Variants in RP1 observed in about 807,000 individuals in gnomAD.
RP1 encodes the protein oxygen-regulated protein 1.
Under a neutral mutation model 14.8 loss-of-function variants are expected in RP1, and 16 were observed. The ratio of observed to expected loss-of-function variants is 1.08; its 90% confidence interval spans 0.73 to 1.65. RP1 has a LOEUF of 1.65. Ranked by LOEUF, RP1 falls within the 40% of genes most tolerant of loss-of-function variation. The pLI, the probability that RP1 is intolerant of heterozygous loss-of-function variation, is 0.00. For synonymous variants in RP1, 876 were observed against 883.6 expected, an observed-to-expected ratio of 0.99 and a Z score of 0.15; for missense variants, 2,631 against 2,535.0, an observed-to-expected ratio of 1.04 and a Z score of -0.81.
intron 1 of RP1, among the ~76,000 whole-genome samples, chr8:54,587,080 C>G (rs971903164): frequency 1.3e-5 from 2 of 152,192 alleles, no homozygotes; most frequent in Non-Finnish European, 2.9e-5. Flanking sequence ...CCATCTTCTG[C>G]GTTGCTCATG....
chr8:54,852,522 CAA>C, intron 25 of RP1: 1 of 1,160,310 alleles, frequency 8.6e-7, no homozygotes, highest in Non-Finnish European at 1.1e-6. Flanking sequence ...TAACTACATT[CAA>C]AGAGATAAAT....
intron 28 of RP1, chr8:54,869,761 T>A (rs1160895292): frequency 6.1e-6 from 3 of 490,434 alleles, no homozygotes; most frequent in Non-Finnish European, 9.6e-6. Context: ...ATTCTTTCCA[T>A]ATGTTTTTTT....
chr8:54,699,924 G>A (rs535182341), intron 13 of RP1, among the ~76,000 whole-genome samples: 9 of 152,174 alleles, frequency 5.9e-5, no homozygotes, highest in African/African-American at 1.4e-4. Context: ...TTGAAAAGTA[G>A]CATTTAATGT....
chr8:54,630,716 A>G lies in RP1; in HGVS notation c.*363A>G. On this transcript the variant is annotated 3_prime_UTR_variant, in exon 4 of 4. Coordinates refer to ENST00000220676, the MANE Select transcript of RP1 (RefSeq NM_006269.2). ...TTAGCTTGGTGTAAAATGTATATTG[A>G]CTGTATTGGTGAATAAATTGAATAG... 9.3e-7 allele frequency: 1 copy of G among 1,069,892 alleles called. No homozygotes were observed. Among genetic ancestry groups the G allele is most frequent in the Non-Finnish European group, 1.1e-6 (1 of 882,986 alleles). 66.3% of individuals were successfully genotyped at this position (1,069,892 alleles called of 1,614,324 possible). A position where few individuals can be genotyped will look rare whatever the true frequency, so the allele number is the denominator to read the frequency against.
At chr8:54,595,168 T>C (rs1426128045) in intron 1 of RP1, among the ~76,000 whole-genome samples, 5 of 151,708 alleles carry the variant, frequency 3.3e-5, no homozygotes, top group African/African-American at 4.8e-5. Context: ...CTTTCTCTGT[T>C]GCCCAGGGTG....
chr8:54,862,928 A>G (rs1237927852), intron 27 of RP1, among the ~76,000 whole-genome samples: 1 of 151,924 alleles, frequency 6.6e-6, no homozygotes, highest in African/African-American at 2.4e-5. Flanking sequence ...GTTATTTTTA[A>G]TGGCTGAAAT....
chr8:54,776,721 A>G (rs1281846119), intron 23 of RP1, among the ~76,000 whole-genome samples: 2 of 152,196 alleles, frequency 1.3e-5, no homozygotes, highest in African/African-American at 4.8e-5. Flanking sequence ...CAAGGTGGAA[A>G]TGCCAAGGCT....
intron 1 of RP1, among the ~76,000 whole-genome samples, chr8:54,598,796 G>A (rs905383287): frequency 2.0e-5 from 3 of 152,130 alleles, no homozygotes; most frequent in African/African-American, 7.2e-5. Flanking sequence ...AATATCCTTC[G>A]GAGCTTCTTG....
At chr8:54,635,688 C>T (rs556597072), downstream of RP1, among the ~76,000 whole-genome samples, 9 of 152,206 alleles carry the variant, frequency 5.9e-5, no homozygotes, top group South Asian at 2.1e-4. Context: ...AGTTGTTTGC[C>T]GTATGGCTTA....
chr8:54,607,546 G>A (rs1236201708), intron 1 of RP1, among the ~76,000 whole-genome samples: 4 of 152,140 alleles, frequency 2.6e-5, no homozygotes, highest in African/African-American at 9.7e-5. Context: ...TTGCATGCTG[G>A]GAGAACCACT....
At position 54,622,250 on chromosome 8, in the gene RP1, T is replaced by C. The variant is rs1354608902; in HGVS notation, c.749T>C (p.Val250Ala). Residue 250 changes from valine (V) to alanine (A), a missense_variant, in exon 3 of 4, where the codon GTG becomes GCG. By Grantham distance (64) the Val-to-Ala change is moderately conservative (BLOSUM62 0). Coordinates refer to ENST00000220676, the MANE Select transcript of RP1 (RefSeq NM_006269.2). Reference protein sequence around the residue: ...PARLPGISQRVYPKGNAKSES... With the variant: ...PARLPGISQRAYPKGNAKSES... ...AGATTACCAGGGATCTCTCAGCGTG[T>C]GTACCCCAAGGGAAATGCAAAGTCA... 6.2e-7 allele frequency: 1 copy of C among 1,614,140 alleles called. No individual in the cohort carries two copies. Among genetic ancestry groups the C allele is most frequent in the South Asian group, 1.1e-5 (1 of 91,084 alleles).
chr8:54,764,333 A>C (rs1809712729), intron 22 of RP1, among the ~76,000 whole-genome samples: 1 of 152,208 alleles, frequency 6.6e-6, no homozygotes, highest in Non-Finnish European at 1.5e-5. Context: ...CTGTGTTCTC[A>C]GCTGGTGCTG....
At chr8:54,706,642 G>A (rs901019289) in exon 15 of RP1, 17 of 1,535,896 alleles carry the variant, frequency 1.1e-5, no homozygotes, top group African/African-American at 2.7e-5. Flanking sequence ...AAGGATGGCC[G>A]ATGCGATGGA....
rs547234247 is a variant in RP1, at chr8:54,745,917, T to C, written c.2808+6888T>C. On this transcript the variant is annotated intron_variant, in intron 19 of 22. Transcript: ENST00000636932. ...AGCAAAAGTCAAGGCTTTGGGTCTT[T>C]TTAGTATTGATAGAAAAATACTAGA... 5.3e-5 allele frequency among the ~76,000 whole-genome samples: 8 copies of C among 152,320 alleles called. No individual in the cohort carries two copies. In the East Asian group the frequency reaches 1.5e-3, roughly 29 times the overall value.
chr8:54,668,748 C>T (rs1054005161), intron 7 of RP1, among the ~76,000 whole-genome samples: 1 of 152,144 alleles, frequency 6.6e-6, no homozygotes, highest in African/African-American at 2.4e-5. Flanking sequence ...TGATCTTTGA[C>T]AAACCTGACA....
intron 1 of RP1, among the ~76,000 whole-genome samples, chr8:54,600,072 C>T (rs1329143954): frequency 6.6e-6 from 1 of 152,128 alleles, no homozygotes; most frequent in Non-Finnish European, 1.5e-5. Context: ...TCATCCAAAT[C>T]TCATCTTGAA....
intron 1 of RP1, among the ~76,000 whole-genome samples, chr8:54,573,544 C>T (rs368111729): frequency 1.3e-5 from 2 of 152,150 alleles, no homozygotes; most frequent in East Asian, 3.9e-4. Context: ...GGTAGCTTTT[C>T]CCTCAAATAT....
chr8:54,568,174 A>C (rs1205160039), intron 1 of RP1, among the ~76,000 whole-genome samples: 1 of 152,194 alleles, frequency 6.6e-6, no homozygotes, highest in Non-Finnish European at 1.5e-5. Flanking sequence ...CTCTTTATTC[A>C]TGAGTCTTGC....
intron 1 of RP1, among the ~76,000 whole-genome samples, chr8:54,563,716 A>G (rs1397747594): frequency 6.6e-6 from 1 of 151,704 alleles, no homozygotes; most frequent in African/African-American, 2.4e-5. Context: ...TGACTAATTT[A>G]TTTTTTATTT....
Sources: gnomAD v4.1 joint callset for allele counts (sites outside exome capture counted in the v4.1 genomes callset) on GRCh38, gnomAD v4.1.1 for gene constraint, MANE v1.5 for transcripts, NCBI Gene and HGNC (gene_info 2026-07-23, HGNC 2026-07-21) for gene names.